Variants in NOX3 observed in about 807,000 individuals in gnomAD.
The protein encoded by NOX3 is NADPH oxidase 3.
In NOX3, 74 loss-of-function variants were observed where a neutral mutation model predicts 76.7. That is an observed-to-expected ratio of 0.96 (90% confidence interval 0.80 to 1.17). NOX3 has a LOEUF of 1.17. Ranked by LOEUF, NOX3 falls within the 50% of genes most tolerant of loss-of-function variation. The pLI is 0.00. For missense variants in NOX3, 695 were observed against 703.3 expected (o/e 0.99, Z 0.13); for synonymous variants, 263 against 261.1 (o/e 1.01, Z -0.07).
intron 11 of NOX3, among the ~76,000 whole-genome samples, chr6:155,408,512 C>T (rs1776494122): frequency 6.6e-6 from 1 of 152,150 alleles, no homozygotes; most frequent in Non-Finnish European, 1.5e-5. Flanking sequence ...GCCTGACTTT[C>T]CTGGCTGACC....
In NOX3 at chr6:155,449,556, C is replaced by A. The variant is rs569956830; in HGVS notation, c.340+3848G>T. ...TATCATAGGCAGACAAGCAGGAAGG[C>A]AGGAAGCCAAAAGAAGAGTTCCTGT... On this transcript the variant is annotated intron_variant, in intron 4 of 13. Coordinates refer to ENST00000159060, the MANE Select transcript of NOX3 (RefSeq NM_015718.3). 2.0e-5 allele frequency among the ~76,000 whole-genome samples: 3 copies of A among 152,234 alleles called. No homozygotes were observed. The East Asian group carries it at 5.8e-4, about 29-fold the overall frequency.
chr6:155,426,359 A>G (rs1387075406), intron 9 of NOX3, among the ~76,000 whole-genome samples: 1 of 152,196 alleles, frequency 6.6e-6, no homozygotes, highest in African/African-American at 2.4e-5. Flanking sequence ...TAGAGCTTCC[A>G]TTCTAGTGTG....
chr6:155,430,858 T>A lies in NOX3; in HGVS notation c.876A>T (p.Glu292Asp), dbSNP rs1776823229. The change falls in exon 8 of 14, where the codon GAA becomes GAT. Residue 292 changes from glutamate to aspartate, a missense_variant. By Grantham distance (45) the Glu-to-Asp change is conservative (BLOSUM62 2). Transcript: ENST00000159060. Reference sequence around the variant, plus strand: ...ACATGCATACCTTGGTAATGACAACTTCTTGTTGAAATCGCCAGAACCTAA... The same window carrying A: ...ACATGCATACCTTGGTAATGACAACATCTTGTTGAAATCGCCAGAACCTAA... ...RIIRFWRFQQEVVITKVVSHP... is the reference protein window; with the variant it reads ...RIIRFWRFQQDVVITKVVSHP... 1.2e-6 allele frequency: 2 copies of A among 1,607,774 alleles called. No individual in the cohort carries two copies. Among genetic ancestry groups the A allele is most frequent in the Non-Finnish European group, 1.7e-6 (2 of 1,174,408 alleles).
chr6:155,395,533 T>G lies in NOX3; in HGVS notation c.*69A>C, dbSNP rs1297710309. The G allele has an allele frequency of 1.3e-5, 2 of 152,250 alleles. No individual in the cohort carries two copies. The highest frequency in any genetic ancestry group is 2.9e-5 in the Non-Finnish European group (2 of 68,040). 9.4% of individuals were successfully genotyped at this position (152,250 alleles called of 1,614,324 possible). On this transcript the variant is annotated 3_prime_UTR_variant, in exon 14 of 14. Coordinates refer to ENST00000159060, the MANE Select transcript of NOX3 (RefSeq NM_015718.3). ...TCATATCAACAGGCCGTCACAGGAA[T>G]TCCTGGTGGAGTTCTTTGGAATCAA...
chr6:155,422,846 C>T lies in NOX3; in HGVS notation c.1156G>A (p.Asp386Asn), dbSNP rs372859668. 10 of 1,614,066 alleles carry T rather than the reference C, an allele frequency of 6.2e-6. No homozygotes were observed. Among genetic ancestry groups the T allele is most frequent in the Non-Finnish European group, 7.6e-6 (9 of 1,180,006 alleles). ...EPWSLPRLAV[D>N]GPFGTALTDV... is the part of the protein sequence containing the mutation. ...GTCAGGGCAGTTCCAAAGGGCCCGT[C>T]CACTGCCAGCCTGGAATCATAGAGG... is the stretch of plus-strand genomic sequence containing the variant. Residue 386 changes from aspartate (D) to asparagine (N), a missense_variant, in exon 10 of 14, where the codon GAC becomes AAC. Transcript: ENST00000159060.
At chr6:155,420,138 A>T (rs1443173944) in intron 10 of NOX3, among the ~76,000 whole-genome samples, 4 of 152,214 alleles carry the variant, frequency 2.6e-5, no homozygotes, top group Non-Finnish European at 4.4e-5. Flanking sequence ...GATATGTGAC[A>T]TAACAGTAGG....
intron 10 of NOX3, among the ~76,000 whole-genome samples, chr6:155,415,123 G>C (rs1247042107): frequency 6.6e-6 from 1 of 152,134 alleles, no homozygotes; most frequent in African/African-American, 2.4e-5. Context: ...TCACAAGTTT[G>C]GGCTCTCTGT....
rs775383352 is a variant in NOX3 at position 155,454,836 on chromosome 6, A to G, written c.230T>C (p.Ile77Thr). 9 of 1,596,578 alleles carry G rather than the reference A, an allele frequency of 5.6e-6. No homozygotes were observed. Among genetic ancestry groups the G allele is most frequent in the African/African-American group, 1.4e-5 (1 of 74,006 alleles). The change falls in exon 3 of 14, where the codon ATT (isoleucine) becomes ACT (threonine). Residue 77 changes from isoleucine to threonine, a missense_variant. By Grantham distance (89) the Ile-to-Thr change is moderately conservative. Coordinates refer to ENST00000159060, the MANE Select transcript of NOX3 (RefSeq NM_015718.3). ...LILIPVSRNL[I>T]SFIRGTSICC... ...AATACTTGTTCCTCTTATGAATGAA[A>G]TAAGGTTTCGACTGACAGGTATTAG...
intron 10 of NOX3, among the ~76,000 whole-genome samples, chr6:155,416,864 C>T (rs1776628376): frequency 6.8e-6 from 1 of 147,962 alleles, no homozygotes; most frequent in Admixed American, 7.1e-5. Flanking sequence ...AATTCTTATG[C>T]CTCAGCCTCC....
intron 7 of NOX3, among the ~76,000 whole-genome samples, chr6:155,433,362 C>T (rs963148340): frequency 6.6e-6 from 1 of 152,022 alleles, no homozygotes; most frequent in African/African-American, 2.4e-5. Context: ...CCGGGACAGA[C>T]AAGAGAGAAT....
At chr6:155,407,752 G>A (rs968001211) in intron 11 of NOX3, among the ~76,000 whole-genome samples, 4 of 152,146 alleles carry the variant, frequency 2.6e-5, no homozygotes, top group Non-Finnish European at 5.9e-5. Flanking sequence ...GGGTTTAAAC[G>A]GTGTGATGTA....
chr6:155,415,108 G>A (rs935231345), intron 10 of NOX3, among the ~76,000 whole-genome samples: 1 of 152,110 alleles, frequency 6.6e-6, no homozygotes, highest in Non-Finnish European at 1.5e-5. Context: ...GGGTCTGAGC[G>A]ACAGTCACAA....
intron 10 of NOX3, among the ~76,000 whole-genome samples, chr6:155,413,258 G>GATGCAGATGGTGGGAAGTGCA (rs1562460535): frequency 3.9e-5 from 6 of 151,916 alleles, no homozygotes; most frequent in Admixed American, 6.5e-5. Flanking sequence ...TGGGAAGTGC[G>GATGCAGATGGTGGGAAGTGCA]GAGGTCCTGA....
In NOX3 at chr6:155,407,130, C is replaced by G. The variant is rs1157966883; in HGVS notation, c.1580G>C (p.Ser527Thr). Residue 527 changes from serine (S) to threonine (T), a missense_variant and splice_region_variant, in exon 12 of 14, where the codon AGC becomes ACC. By Grantham distance (58) the Ser-to-Thr change is moderately conservative. Coordinates refer to ENST00000159060, the MANE Select transcript of NOX3 (RefSeq NM_015718.3). ...EFKQIAYNHP[S>T]SSIGVFFCGP... ...GGAGAGGAGCAAGAGCTTGCCTTAC[C>G]TGGGGTGATTGTAGGCAATCTGCTT... is the stretch of plus-strand genomic sequence containing the variant. The G allele has an allele frequency of 6.2e-7, 1 of 1,613,970 alleles. No individual in the cohort carries two copies. The highest frequency in any genetic ancestry group is 1.7e-5 in the Admixed American group (1 of 60,020).
chr6:155,398,310 CTGTCATCAAGACAT>C, intron 12 of NOX3, among the ~76,000 whole-genome samples: 1 of 152,270 alleles, frequency 6.6e-6, no homozygotes, highest in Middle Eastern at 3.4e-3. Flanking sequence ...TTGAGAAACA[CTGTCATCAAGACAT>C]TCTTTGGGCT....
chr6:155,455,377 C>T (rs1206642366), intron 1 of NOX3, among the ~76,000 whole-genome samples: 2 of 152,062 alleles, frequency 1.3e-5, no homozygotes, highest in Non-Finnish European at 2.9e-5. Context: ...ACTACAAAAC[C>T]TTCTTAATCA....
At chr6:155,399,571 C>A (rs1779192324) in intron 12 of NOX3, among the ~76,000 whole-genome samples, 1 of 152,168 alleles carries the variant, frequency 6.6e-6, no homozygotes, top group South Asian at 2.1e-4. Context: ...GCTCTCTGTG[C>A]ATCACTGTCC....
chr6:155,397,089 T>C (rs1779149682), intron 12 of NOX3, 127 bp from the exon 13 acceptor site: 1 of 860,528 alleles, frequency 1.2e-6, no homozygotes, highest in South Asian at 2.3e-5. Context: ...CTCCATGTCG[T>C]TTTTTCTTAG....
chr6:155,423,932 G>C (rs146260805), intron 9 of NOX3, among the ~76,000 whole-genome samples: 1 of 151,900 alleles, frequency 6.6e-6, no homozygotes, highest in Non-Finnish European at 1.5e-5. Context: ...TCATAGAGAC[G>C]AGGTTTGACC....
Sources: gnomAD v4.1 joint callset for allele counts (sites outside exome capture counted in the v4.1 genomes callset) on GRCh38, gnomAD v4.1.1 for gene constraint, MANE v1.5 for transcripts, NCBI Gene and HGNC (gene_info 2026-07-23, HGNC 2026-07-21) for gene names.